Variants in CAMK4 observed in about 807,000 individuals in gnomAD.
CAMK4 encodes the protein calcium/calmodulin dependent protein kinase IV, also known as calcium/calmodulin-dependent protein kinase type IV.
In CAMK4, 22 loss-of-function variants were observed where a neutral mutation model predicts 44.9. That is an observed-to-expected ratio of 0.49 (90% CI 0.35 to 0.70). The LOEUF is 0.70. Ranked by LOEUF, CAMK4 falls within the 30% of genes least tolerant of loss-of-function variation. The pLI is 0.01. For synonymous variants in CAMK4, 218 were observed against 215.4 expected (o/e 1.01, Z -0.11); for missense variants, 498 against 586.8 (o/e 0.85, Z 1.56).
intron 4 of CAMK4, among the ~76,000 whole-genome samples, chr5:111,393,747 C>A (rs1366178): frequency 0.36 from 55,279 of 151,748 alleles, 11,190 homozygotes; most frequent in South Asian, 0.51. Flanking sequence ...GAGAGAAGAT[C>A]AGGAAAAATA....
intron 2 of CAMK4, among the ~76,000 whole-genome samples, chr5:111,354,545 A>G (rs1055370189): frequency 6.6e-6 from 1 of 151,940 alleles, no homozygotes; most frequent in African/African-American, 2.4e-5. Context: ...TGTACACTAA[A>G]TGTGTGTAAT....
intron 4 of CAMK4, among the ~76,000 whole-genome samples, chr5:111,381,270 G>T (rs1279385411): frequency 6.6e-6 from 1 of 152,146 alleles, no homozygotes; most frequent in Non-Finnish European, 1.5e-5. Context: ...TTTATTAGGA[G>T]AATTGACTCA....
At chr5:111,334,099 T>C (rs1358285687) in intron 1 of CAMK4, among the ~76,000 whole-genome samples, 3 of 151,522 alleles carry the variant, frequency 2.0e-5, no homozygotes, top group African/African-American at 4.8e-5. Context: ...GCTTGGACTT[T>C]TCTTAACATC....
At chr5:111,442,230 A>G (rs1475283817) in intron 5 of CAMK4, among the ~76,000 whole-genome samples, 1 of 152,188 alleles carries the variant, frequency 6.6e-6, no homozygotes, top group Non-Finnish European at 1.5e-5. Flanking sequence ...GCTGTGGCTC[A>G]TGCCTATAAT....
chr5:111,262,203 C>T (rs1750013640), intron 1 of CAMK4, among the ~76,000 whole-genome samples: 1 of 150,008 alleles, frequency 6.7e-6, no homozygotes, highest in South Asian at 2.1e-4. Flanking sequence ...AAAAGACATT[C>T]AAGAAAATTG....
At chr5:111,478,912 C>T (rs1340006168) in intron 9 of CAMK4, among the ~76,000 whole-genome samples, 1 of 152,230 alleles carries the variant, frequency 6.6e-6, no homozygotes, top group African/African-American at 2.4e-5. Flanking sequence ...CAAGGTCTCA[C>T]TGTCACCCAG....
At chr5:111,351,677 G>GCA (rs1440066061) in intron 2 of CAMK4, among the ~76,000 whole-genome samples, 4 of 120,668 alleles carry the variant, frequency 3.3e-5, no homozygotes, top group African/African-American at 1.7e-4. Flanking sequence ...CTCCCAAAGT[G>GCA]CTGGGATTAT....
chr5:111,349,852 T>C (rs1750019351), intron 2 of CAMK4, among the ~76,000 whole-genome samples: 1 of 152,004 alleles, frequency 6.6e-6, no homozygotes, highest in Non-Finnish European at 1.5e-5. Flanking sequence ...ATATTTGAAC[T>C]TCAGAATTCA....
rs955813980 is a variant in CAMK4, at chr5:111,368,167, A to G, written c.241-6683A>G. 2.0e-5 allele frequency among the ~76,000 whole-genome samples: 3 copies of G among 152,118 alleles called. No homozygotes were observed. The South Asian group carries it at 6.2e-4, about 32-fold the overall frequency. On this transcript the variant is annotated intron_variant, in intron 2 of 10. Coordinates refer to ENST00000282356, the MANE Select transcript of CAMK4 (RefSeq NM_001744.6). ...AAGGTATTTTGTAGATACTAAAGGTATGTCTTATGGGTTTCAGTGTTGTTG... is the reference window on the plus strand; with the variant it reads ...AAGGTATTTTGTAGATACTAAAGGTGTGTCTTATGGGTTTCAGTGTTGTTG...
At chr5:111,477,613 A>G (rs1755293183) in intron 8 of CAMK4, among the ~76,000 whole-genome samples, 1 of 152,176 alleles carries the variant, frequency 6.6e-6, no homozygotes, top group African/African-American at 2.4e-5. Flanking sequence ...AAGATGCCCA[A>G]GATAGTTCTC....
chr5:111,395,580 T>G (rs1751977543), intron 5 of CAMK4, among the ~76,000 whole-genome samples: 1 of 152,160 alleles, frequency 6.6e-6, no homozygotes, highest in African/African-American at 2.4e-5. Flanking sequence ...ATGTATCAGT[T>G]TTTTTAAGGA....
intron 5 of CAMK4, among the ~76,000 whole-genome samples, chr5:111,430,319 C>T (rs1355866526): frequency 6.6e-6 from 1 of 152,142 alleles, no homozygotes; most frequent in Non-Finnish European, 1.5e-5. Flanking sequence ...GAACATACCT[C>T]AACATAACCA....
intron 2 of CAMK4, among the ~76,000 whole-genome samples, chr5:111,361,533 A>G (rs556405755): frequency 6.6e-6 from 1 of 152,176 alleles, no homozygotes; most frequent in Non-Finnish European, 1.5e-5. Flanking sequence ...TCTTTACCAT[A>G]TAAAAATTAC....
intron 1 of CAMK4, among the ~76,000 whole-genome samples, chr5:111,309,281 G>A (rs766950004): frequency 6.6e-6 from 1 of 152,206 alleles, no homozygotes; most frequent in Non-Finnish European, 1.5e-5. Context: ...GCTGAGAGAT[G>A]TAGGAGAGGA....
At chr5:111,291,332 G>T (rs1747242520) in intron 1 of CAMK4, among the ~76,000 whole-genome samples, 1 of 151,854 alleles carries the variant, frequency 6.6e-6, no homozygotes, top group Admixed American at 6.6e-5. Flanking sequence ...TAACAAAAAA[G>T]TTGATAAATG....
intron 10 of CAMK4, 35 bp from the exon 11 acceptor site, chr5:111,483,991 G>C: frequency 6.7e-7 from 1 of 1,486,450 alleles, no homozygotes; most frequent in African/African-American, 1.4e-5. Context: ...TGTTAAAGCA[G>C]AGGTAACACT....
rs558766245 is a variant in CAMK4 at position 111,314,365 on chromosome 5, A to T, written c.162-29659A>T. Among the ~76,000 whole-genome samples, 69 of 152,186 alleles carry T rather than the reference A, an allele frequency of 4.5e-4. 1 individual carries two copies. The highest frequency in any genetic ancestry group is 1.6e-3 in the African/African-American group (68 of 41,562). The stretch of plus-strand genomic sequence containing the variant: ...TTTAATACAGTTCCAACATTTTTGC[A>T]ATCATGGATCTGCAAATCTGTTTAT... On this transcript the variant is annotated intron_variant, in intron 1 of 10. Coordinates refer to ENST00000282356, the MANE Select transcript of CAMK4 (RefSeq NM_001744.6).
chr5:111,372,012 A>G (rs956994458), intron 2 of CAMK4, among the ~76,000 whole-genome samples: 8 of 152,176 alleles, frequency 5.3e-5, no homozygotes, highest in Admixed American at 5.2e-4. Flanking sequence ...TATGGATTCA[A>G]AAGAGTTTCT....
chr5:111,269,380 G>A (rs943495457), intron 1 of CAMK4, among the ~76,000 whole-genome samples: 3 of 151,954 alleles, frequency 2.0e-5, no homozygotes, highest in African/African-American at 7.3e-5. Context: ...TCCCTTTCCC[G>A]TTCCTCTTCA....
Sources: gnomAD v4.1 joint callset for allele counts (sites outside exome capture counted in the v4.1 genomes callset) on GRCh38, gnomAD v4.1.1 for gene constraint, MANE v1.5 for transcripts, NCBI Gene and HGNC (gene_info 2026-07-23, HGNC 2026-07-21) for gene names.